Variants in CLASRP observed in about 807,000 individuals in gnomAD.
The protein encoded by CLASRP is CLK4 associating serine/arginine rich protein, also known as CLK4-associating serine/arginine rich protein.
CLASRP carries 52 observed loss-of-function variants against 99.9 expected under a neutral mutation model. That is an observed-to-expected ratio of 0.52 (90% CI 0.42 to 0.66). The LOEUF is 0.66. Among genes scored for constraint, CLASRP ranks in the 30% least tolerant of loss-of-function variants. The pLI is 0.00. For synonymous variants in CLASRP, 379 were observed against 373.0 expected, an observed-to-expected ratio of 1.02 and a Z score of -0.18; for missense variants, 848 against 999.2, an observed-to-expected ratio of 0.85 and a Z score of 2.04.
chr19:45,061,008 A>AGCT (rs1449480901), intron 10 of CLASRP, among the ~76,000 whole-genome samples: 1 of 152,094 alleles, frequency 6.6e-6, no homozygotes, highest in Non-Finnish European at 1.5e-5. Context: ...GAACTCTCTG[A>AGCT]GCTTCAATTT....
chr19:45,050,836 C>A (rs928234261), intron 2 of CLASRP, among the ~76,000 whole-genome samples: 1 of 151,846 alleles, frequency 6.6e-6, no homozygotes, highest in Non-Finnish European at 1.5e-5. Context: ...CTTGCCTCAG[C>A]CTCCCAAATA....
chr19:45,064,226 C>G lies in CLASRP; in HGVS notation c.1120C>G (p.Arg374Gly), dbSNP rs745433918. ...CGCCCCGGGACGTAATGCCAGCGCC[C>G]GGTCGGTAACGCTCACGCCGCCCGC... Reference protein sequence around the residue: ...GPAPGRNASARRRSSSSSSSS... With the variant: ...GPAPGRNASAGRRSSSSSSSS... Residue 374 changes from arginine to glycine, a missense_variant and splice_region_variant, in exon 12 of 21, where the codon CGC becomes GGC. Coordinates refer to ENST00000221455, the MANE Select transcript of CLASRP (RefSeq NM_007056.3). The G allele has an allele frequency of 5.0e-6, 8 of 1,586,150 alleles. No individual in the cohort carries two copies. The Admixed American group carries it at 5.4e-5, about 11-fold the overall frequency.
chr19:45,057,799 G>A lies in CLASRP; in HGVS notation c.514G>A (p.Val172Met). The change falls in exon 7 of 21, where the codon GTG becomes ATG. Residue 172 changes from valine (V) to methionine (M), a missense_variant. Val to Met is a conservative substitution (Grantham distance 21). Transcript: ENST00000221455. ...CGGTTATACCTACGAGGACAGCACG[G>A]TGGCCGAGGTAGAGAAGGCGGCAGA... ...SIGYTYEDST[V>M]AEVEKAAEKP... is the part of the protein sequence containing the mutation. 1 of 1,614,102 alleles carries A rather than the reference G, an allele frequency of 6.2e-7. No individual in the cohort carries two copies. Among genetic ancestry groups the A allele is most frequent in the Non-Finnish European group, 8.5e-7 (1 of 1,179,964 alleles).
chr19:45,047,237 C>T (rs1030556102), intron 2 of CLASRP, among the ~76,000 whole-genome samples: 3 of 151,460 alleles, frequency 2.0e-5, no homozygotes, highest in African/African-American at 7.3e-5. Flanking sequence ...ATCGATGAGC[C>T]CTGAAGATGT....
intron 7 of CLASRP, chr19:45,058,106 AG>A: frequency 1.6e-6 from 1 of 620,036 alleles, no homozygotes; most frequent in East Asian, 2.8e-5. Context: ...TCTCATTTCT[AG>A]GGTGCTATTT....
At chr19:45,054,193 G>A (rs1972078927) in intron 5 of CLASRP, among the ~76,000 whole-genome samples, 1 of 152,160 alleles carries the variant, frequency 6.6e-6, no homozygotes, top group Non-Finnish European at 1.5e-5. Flanking sequence ...TTTTTTGTCT[G>A]TATTATCATT....
intron 8 of CLASRP, 76 bp downstream of exon 8, chr19:45,059,440 A>T: frequency 1.6e-6 from 2 of 1,214,524 alleles, no homozygotes; most frequent in South Asian, 2.6e-5. Context: ...CCCGGTATTG[A>T]CAGCCATCCT....
At chr19:45,051,862 GA>G (rs1972029783) in intron 2 of CLASRP, among the ~76,000 whole-genome samples, 1 of 152,070 alleles carries the variant, frequency 6.6e-6, no homozygotes, top group Non-Finnish European at 1.5e-5. Flanking sequence ...CAGCTACTCA[GA>G]AAGCTGAGGC....
In CLASRP at chr19:45,067,682, C is replaced by T. The variant is rs371728133; in HGVS notation, c.1667+88C>T. The T allele has an allele frequency of 2.4e-6, 3 of 1,275,032 alleles. No homozygotes were observed. Among genetic ancestry groups the T allele is most frequent in the East Asian group, 2.5e-5 (1 of 40,426 alleles). The allele number at this position is 1,275,032 out of a possible 1,614,324, so 79.0% of individuals were successfully genotyped here. A position where few individuals can be genotyped will look rare whatever the true frequency, so the allele number is the denominator to read the frequency against. On this transcript the variant is annotated intron_variant, in intron 14 of 20. Transcript: ENST00000221455. This position sits in a 1 kb window ranked among gnomAD's most constrained non-coding sequence, Gnocchi z 4.9. ...TGTTTTCTTTTTGAGGGGAACTTAG[C>T]CCTACCCTGGGAGGTCTGGGGGGTG...
intron 2 of CLASRP, among the ~76,000 whole-genome samples, chr19:45,042,355 AG>A (rs1384007583): frequency 6.6e-6 from 1 of 152,076 alleles, no homozygotes; most frequent in East Asian, 1.9e-4. Context: ...GGAGGCCAGC[AG>A]ACCAGGGAAG....
intron 18 of CLASRP, among the ~76,000 whole-genome samples, 197 bp downstream of exon 18, chr19:45,069,445 C>T (rs918017481): frequency 2.0e-5 from 3 of 152,182 alleles, no homozygotes; most frequent in Non-Finnish European, 2.9e-5. Flanking sequence ...TTTCGACCTG[C>T]CTCCCGCCAC....
intron 15 of CLASRP, 170 bp downstream of exon 15, chr19:45,068,224 C>T: frequency 5.9e-6 from 4 of 678,120 alleles, no homozygotes; most frequent in Non-Finnish European, 1.1e-5. Flanking sequence ...CTCTCCCCTC[C>T]TCACTGTACA....
At chr19:45,045,166 A>C (rs538583301) in intron 2 of CLASRP, among the ~76,000 whole-genome samples, 1 of 152,224 alleles carries the variant, frequency 6.6e-6, no homozygotes, top group East Asian at 1.9e-4. Flanking sequence ...TCTTCATTCT[A>C]TCCAGCAGGG....
chr19:45,049,045 C>G (rs1971974661), intron 2 of CLASRP, among the ~76,000 whole-genome samples: 1 of 152,156 alleles, frequency 6.6e-6, no homozygotes, highest in African/African-American at 2.4e-5. Context: ...TGAGACAGTG[C>G]ACATAAAACA....
intron 15 of CLASRP, 128 bp from the exon 16 acceptor site, chr19:45,068,292 C>G (rs1270470396): frequency 9.0e-6 from 6 of 669,988 alleles, no homozygotes; most frequent in African/African-American, 1.8e-5. Context: ...ACAGCCTGCC[C>G]CTCCTCCCCA....
rs1030547234 is a variant in CLASRP, at chr19:45,064,475, G to T, written c.1254G>T (p.Arg418=). ...GTTCCGGCCGCCACGCCCGCTCCCG[G>T]TCCCGCTCCTGGTCCCGCTCCCGCT... ...YYRSGRHARS[R]SRSWSRSRSR... Residue 418 remains arginine, a synonymous_variant, in exon 13 of 21, where the codon CGG becomes CGT. Transcript: ENST00000221455. 1.9e-5 allele frequency: 29 copies of T among 1,532,016 alleles called. 3 individuals carry two copies. The highest frequency in any genetic ancestry group is 6.1e-6 in the Non-Finnish European group (7 of 1,142,794). 94.9% of individuals were successfully genotyped at this position (1,532,016 alleles called of 1,614,324 possible). A position where few individuals can be genotyped will look rare whatever the true frequency, so the allele number is the denominator to read the frequency against.
chr19:45,068,764 C>T (rs939823933), intron 16 of CLASRP, among the ~76,000 whole-genome samples: 1 of 151,454 alleles, frequency 6.6e-6, no homozygotes, highest in Non-Finnish European at 1.5e-5. Context: ...TTTGGGAGGC[C>T]GAGGTGGGCG....
chr19:45,064,276 G>C, intron 12 of CLASRP, 49 bp downstream of exon 12: 1 of 1,527,458 alleles, frequency 6.5e-7, no homozygotes. Flanking sequence ...ACCATGGGGG[G>C]TACCCGGGGC....
At position 45,064,230 on chromosome 19, in the gene CLASRP, CGG is replaced by C; in HGVS notation, c.1121+4_1121+5del. ...CCGGGACGTAATGCCAGCGCCCGGT[CGG>C]TAACGCTCACGCCGCCCGCCCTACG... On this transcript the variant is annotated splice_donor_5th_base_variant and intron_variant, in intron 12 of 20. Coordinates refer to ENST00000221455, the MANE Select transcript of CLASRP (RefSeq NM_007056.3). 1.3e-6 allele frequency: 2 copies of C among 1,583,796 alleles called. No individual in the cohort carries two copies. The highest frequency in any genetic ancestry group is 8.6e-7 in the Non-Finnish European group (1 of 1,166,752).
Sources: gnomAD v4.1 joint callset for allele counts (sites outside exome capture counted in the v4.1 genomes callset) on GRCh38, gnomAD v4.1.1 for gene constraint, Gnocchi (gnomAD v3.1) non-coding constraint, MANE v1.5 for transcripts, NCBI Gene and HGNC (gene_info 2026-07-23, HGNC 2026-07-21) for gene names.